The following AUTS2 variants were observed in gnomAD, a reference collection of about 807,000 sequenced individuals.
The protein encoded by AUTS2 is activator of transcription and developmental regulator AUTS2.
Under a neutral mutation model 112.4 loss-of-function variants are expected in AUTS2, and 17 were observed. The observed-to-expected ratio is 0.15, with a 90% CI of 0.10 to 0.23. AUTS2 has a LOEUF of 0.23. Ranked by LOEUF, AUTS2 falls within the 10% of genes least tolerant of loss-of-function variation. The probability of loss-of-function intolerance (pLI) is 1.00; values close to 1 mark genes in which losing one functional copy is unlikely to be tolerated. For missense variants in AUTS2, 1,510 were observed against 1,701.6 expected, an observed-to-expected ratio of 0.89 and a Z score of 1.98; for synonymous variants, 751 against 702.7, an observed-to-expected ratio of 1.07 and a Z score of -1.09.
intron 2 of AUTS2, among the ~76,000 whole-genome samples, chr7:69,957,050 CTTTTTTTT>C (rs759318185): frequency 6.0e-5 from 8 of 132,322 alleles, no homozygotes; most frequent in Non-Finnish European, 1.2e-4. Context: ...TTTGTTCTTT[CTTTTTTTT>C]TTTTTTTTTG....
chr7:70,748,438 T>A (rs909620879), intron 6 of AUTS2, among the ~76,000 whole-genome samples: 2 of 152,194 alleles, frequency 1.3e-5, no homozygotes, highest in African/African-American at 4.8e-5. Flanking sequence ...TAAAAACCTC[T>A]TTCAGCTTTG....
intron 14 of AUTS2, chr7:70,781,366 A>C (rs1009067601): frequency 2.9e-5 from 6 of 206,850 alleles, no homozygotes; most frequent in South Asian, 1.2e-4. Context: ...CTCCGTCACA[A>C]AAAAAAAAAA....
intron 1 of AUTS2, among the ~76,000 whole-genome samples, chr7:69,898,636 C>T (rs1368732121): frequency 1.3e-5 from 2 of 152,246 alleles, no homozygotes; most frequent in Middle Eastern, 3.4e-3. Flanking sequence ...TTTCCCATTT[C>T]CTACCCACCT....
intron 2 of AUTS2, among the ~76,000 whole-genome samples, chr7:70,105,621 A>G (rs1420459787): frequency 6.6e-6 from 1 of 152,186 alleles, no homozygotes; most frequent in East Asian, 1.9e-4. Flanking sequence ...AGCCAGTGAG[A>G]TACTTTGGAT....
chr7:70,395,739 G>C lies in AUTS2; in HGVS notation c.661-40013G>C, dbSNP rs1260703743. On this transcript the variant is annotated intron_variant, in intron 4 of 18. Transcript: ENST00000342771. ...CTTTGAAGATAAACATGGATTACAG[G>C]TTCAAGGAGCCTACGAGAGTCAGAA... Among the ~76,000 whole-genome samples the C allele has an allele frequency of 2.6e-5, 4 of 152,252 alleles. No individual in the cohort carries two copies. The South Asian group carries it at 6.2e-4, about 24-fold the overall frequency.
intron 4 of AUTS2, among the ~76,000 whole-genome samples, chr7:70,279,561 G>C (rs1381612002): frequency 6.6e-6 from 1 of 152,192 alleles, no homozygotes; most frequent in African/African-American, 2.4e-5. Flanking sequence ...GCGTTGCCCA[G>C]AAAGGAATCA....
intron 4 of AUTS2, among the ~76,000 whole-genome samples, chr7:70,386,009 T>A (rs1425887511): frequency 4.6e-5 from 7 of 152,172 alleles, no homozygotes; most frequent in African/African-American, 1.7e-4. Flanking sequence ...CCCCAGATAT[T>A]CTAGTTATAA....
At chr7:70,339,008 G>A (rs953798565) in intron 4 of AUTS2, among the ~76,000 whole-genome samples, 38 of 151,720 alleles carry the variant, frequency 2.5e-4, no homozygotes, top group African/African-American at 8.9e-4. Flanking sequence ...GACTACAGGC[G>A]CCCGCCAGCA....
intron 5 of AUTS2, among the ~76,000 whole-genome samples, chr7:70,656,086 A>G (rs981230230): frequency 4.6e-5 from 7 of 151,878 alleles, no homozygotes; most frequent in African/African-American, 7.2e-5. Context: ...AAATATTTAT[A>G]TATAAATAAA....
chr7:69,731,181 A>G (rs770749970), intron 1 of AUTS2, among the ~76,000 whole-genome samples: 2 of 152,184 alleles, frequency 1.3e-5, no homozygotes, highest in African/African-American at 2.4e-5. Flanking sequence ...AGTTCTAGCT[A>G]TCTGGGGAAC....
chr7:69,937,543 C>T (rs1796463280), intron 2 of AUTS2, among the ~76,000 whole-genome samples: 1 of 152,068 alleles, frequency 6.6e-6, no homozygotes, highest in Non-Finnish European at 1.5e-5. Flanking sequence ...CTTGAAGAAA[C>T]TCTTGGGGCC....
Position 69,599,775 on chromosome 7 carries a change from G to T in AUTS2, c.122G>T (p.Gly41Val). 1 of 1,510,982 alleles carries T rather than the reference G, an allele frequency of 6.6e-7. No homozygotes were observed. Among genetic ancestry groups the T allele is most frequent in the Non-Finnish European group, 8.8e-7 (1 of 1,130,930 alleles). 93.6% of individuals were successfully genotyped at this position (1,510,982 alleles called of 1,614,324 possible). Residue 41 changes from glycine (G) to valine (V), a missense_variant, in exon 1 of 19, where the codon GGC (glycine) becomes GTC (valine). By Grantham distance (109) the Gly-to-Val change is moderately radical. Coordinates refer to ENST00000342771, the MANE Select transcript of AUTS2 (RefSeq NM_015570.4). The surrounding 1 kb of genome is among the most constrained non-coding windows in gnomAD (Gnocchi z 7.0). ...GAGAAGGGGA[G>V]RTRALSLASS... ...GGCGCGGCCGGCGGCGGCGGGGCTG[G>T]CCGGACCCGGGCGCTCTCACTCGCC...
intron 1 of AUTS2, among the ~76,000 whole-genome samples, chr7:69,761,541 C>T (rs2129286524): frequency 6.6e-6 from 1 of 151,952 alleles, no homozygotes; most frequent in East Asian, 1.9e-4. Context: ...GTGTGTATTT[C>T]CTTGATCTAG....
chr7:70,197,482 T>TGC (rs1810243477), intron 4 of AUTS2, among the ~76,000 whole-genome samples: 1 of 136,016 alleles, frequency 7.4e-6, no homozygotes. Flanking sequence ...CCAGTGTGTG[T>TGC]GCGCACCGTG....
chr7:70,697,816 G>A (rs559440501), intron 5 of AUTS2, among the ~76,000 whole-genome samples: 6 of 152,242 alleles, frequency 3.9e-5, no homozygotes, highest in Non-Finnish European at 7.4e-5. Flanking sequence ...AAACATTACA[G>A]CATTTTCCTT....
intron 1 of AUTS2, among the ~76,000 whole-genome samples, chr7:69,715,604 G>A (rs1798571816): frequency 6.6e-6 from 1 of 152,158 alleles, no homozygotes; most frequent in Non-Finnish European, 1.5e-5. Context: ...TTCCCATTCA[G>A]CAGGTTACAT....
chr7:70,707,211 A>G (rs1809785586), intron 6 of AUTS2, among the ~76,000 whole-genome samples: 2 of 152,262 alleles, frequency 1.3e-5, no homozygotes, highest in African/African-American at 4.8e-5. Flanking sequence ...AGAATTTAGA[A>G]ATAGCATCTG....
chr7:69,712,762 G>A (rs1461755973), intron 1 of AUTS2, among the ~76,000 whole-genome samples: 2 of 152,060 alleles, frequency 1.3e-5, no homozygotes, highest in African/African-American at 4.8e-5. Flanking sequence ...TGGGTAAATG[G>A]GCAGGTGTAT....
At chr7:70,689,447 G>C (rs1453825485) in intron 5 of AUTS2, among the ~76,000 whole-genome samples, 1 of 151,984 alleles carries the variant, frequency 6.6e-6, no homozygotes, top group Non-Finnish European at 1.5e-5. Context: ...TTCTGACCCT[G>C]TCTGGAGGGA....
Sources: allele counts gnomAD v4.1 joint callset (sites outside exome capture counted in the v4.1 genomes callset), GRCh38; gene constraint gnomAD v4.1.1; non-coding constraint Gnocchi (gnomAD v3.1); transcripts MANE v1.5; gene names NCBI Gene and HGNC (gene_info 2026-07-23, HGNC 2026-07-21).